WAPL: variants seen among roughly 807,000 people sequenced by gnomAD.
WAPL encodes the protein WAPL cohesin release factor.
WAPL carries 5 observed loss-of-function variants against 121.0 expected under a neutral mutation model. The ratio of observed to expected loss-of-function variants is 0.04; its 90% CI spans 0.02 to 0.09. WAPL has a LOEUF of 0.09. Among genes scored for constraint, WAPL ranks in the 10% least tolerant of loss-of-function variants. The probability of loss-of-function intolerance (pLI) is 1.00; values close to 1 mark genes in which losing one functional copy is unlikely to be tolerated. For synonymous variants in WAPL, 480 were observed against 481.5 expected, an observed-to-expected ratio of 1.00 and a Z score of 0.04; for missense variants, 999 against 1,410.8, an observed-to-expected ratio of 0.71 and a Z score of 4.68.
chr10:86,505,297 ACTCT>A (rs1051998453), intron 2 of WAPL, among the ~76,000 whole-genome samples: 4 of 71,354 alleles, frequency 5.6e-5, no homozygotes, highest in Non-Finnish European at 1.3e-4. Flanking sequence ...ACAGTGCCCA[ACTCT>A]TTTTTTTTTT....
chr10:86,479,631 T>A (rs888318085), intron 4 of WAPL, among the ~76,000 whole-genome samples: 1 of 152,258 alleles, frequency 6.6e-6, no homozygotes, highest in Non-Finnish European at 1.5e-5. Flanking sequence ...TTAAAAACTA[T>A]GTGCTATATG....
At position 86,518,883 on chromosome 10, in the gene WAPL, A is replaced by T. The variant is rs556304289; in HGVS notation, c.-22-792T>A. ...AAGATTCTGCTTCTTGGTGTAATGT[A>T]ATTTGCGCTGTGACTTTAAAAATGT... is the stretch of plus-strand genomic sequence containing the variant. On this transcript the variant is annotated intron_variant, in intron 1 of 18. Transcript: ENST00000298767. Among the ~76,000 whole-genome samples the T allele has an allele frequency of 3.2e-4, 49 of 152,306 alleles. 2 individuals carry two copies. The South Asian group carries it at 9.9e-3, about 31-fold the overall frequency.
At chr10:86,448,012 C>T (rs1849668601) in intron 15 of WAPL, among the ~76,000 whole-genome samples, 1 of 151,884 alleles carries the variant, frequency 6.6e-6, no homozygotes, top group African/African-American at 2.4e-5. Flanking sequence ...GGTGCCGCTG[C>T]ACTCCAGCCT....
intron 4 of WAPL, among the ~76,000 whole-genome samples, chr10:86,495,226 G>A (rs1005553436): frequency 6.6e-6 from 1 of 152,128 alleles, no homozygotes; most frequent in African/African-American, 2.4e-5. Flanking sequence ...TTACATTTTG[G>A]GAGGCCAAGG....
Position 86,500,449 on chromosome 10 carries a change from T to G in WAPL, c.794A>C (p.Asp265Ala). 6.2e-7 allele frequency: 1 copy of G among 1,614,236 alleles called. No individual in the cohort carries two copies. Among genetic ancestry groups the G allele is most frequent in the Non-Finnish European group, 8.5e-7 (1 of 1,180,050 alleles). ...TTCCAATCGATTTTTAAAATCGTCATCCTTCATCTCCAAAAGGGGATCACT... is the reference window on the plus strand; with the variant it reads ...TTCCAATCGATTTTTAAAATCGTCAGCCTTCATCTCCAAAAGGGGATCACT... The part of the protein sequence containing the change: ...LDSDPLLEMK[D>A]DDFKNRLENL... The change falls in exon 3 of 19, where the codon GAT becomes GCT. Residue 265 changes from aspartate (D) to alanine (A), a missense_variant. This residue lies in a region of WAPL where 531 missense variants were observed against 563.1 expected (regional missense o/e 0.94). Coordinates refer to ENST00000298767, the MANE Select transcript of WAPL (RefSeq NM_015045.5).
At chr10:86,466,602 TA>T (rs1375774632) in intron 9 of WAPL, among the ~76,000 whole-genome samples, 1 of 152,076 alleles carries the variant, frequency 6.6e-6, no homozygotes, top group African/African-American at 2.4e-5. Flanking sequence ...TATTATAAAA[TA>T]AAAATTAAAA....
At chr10:86,444,621 A>C (rs926272079) in intron 16 of WAPL, among the ~76,000 whole-genome samples, 3 of 152,156 alleles carry the variant, frequency 2.0e-5, no homozygotes, top group Non-Finnish European at 4.4e-5. Flanking sequence ...AAAACAGGCA[A>C]ATCCATAGAC....
intron 2 of WAPL, among the ~76,000 whole-genome samples, chr10:86,504,049 C>A (rs1232373338): frequency 6.6e-6 from 1 of 152,116 alleles, no homozygotes; most frequent in Non-Finnish European, 1.5e-5. Context: ...TGGCACATGC[C>A]AGTCGTCCTC....
intron 4 of WAPL, among the ~76,000 whole-genome samples, chr10:86,494,902 C>T (rs1223003074): frequency 1.3e-5 from 2 of 152,104 alleles, no homozygotes; most frequent in African/African-American, 2.4e-5. Flanking sequence ...AACACAACTA[C>T]GTATCACTGT....
In WAPL at chr10:86,435,871, AAATAT is replaced by A. The variant is rs1365000423; in HGVS notation, c.*1667_*1671del. 7 of 152,206 alleles carry A rather than the reference AAATAT, an allele frequency of 4.6e-5. No homozygotes were observed. The highest frequency in any genetic ancestry group is 7.3e-5 in the Non-Finnish European group (5 of 68,034). 9.4% of individuals were successfully genotyped at this position (152,206 alleles called of 1,614,324 possible). On this transcript the variant is annotated 3_prime_UTR_variant, in exon 19 of 19. Coordinates refer to ENST00000298767, the MANE Select transcript of WAPL (RefSeq NM_015045.5). ...TCAATGTATTTTGCATTTTAAAATA[AAATAT>A]AACTAATTTAATTTTACGGGTATCA...
At chr10:86,444,724 T>C (rs1849559790) in intron 16 of WAPL, among the ~76,000 whole-genome samples, 1 of 152,040 alleles carries the variant, frequency 6.6e-6, no homozygotes, top group Admixed American at 6.5e-5. Context: ...TTAGTGGTGA[T>C]AAAAACAATA....
chr10:86,498,829 TACTG>T (rs1242609701), intron 3 of WAPL, among the ~76,000 whole-genome samples: 3 of 152,302 alleles, frequency 2.0e-5, no homozygotes, highest in African/African-American at 7.2e-5. Flanking sequence ...CCTTAGTCAC[TACTG>T]AGTCTACAAT....
chr10:86,450,947 T>C (rs1442491434), intron 15 of WAPL, among the ~76,000 whole-genome samples: 1 of 152,196 alleles, frequency 6.6e-6, no homozygotes, highest in Non-Finnish European at 1.5e-5. Context: ...CAATTTCCCA[T>C]GCTCGGCTAC....
At chr10:86,466,957 T>C in intron 9 of WAPL, 1 of 252,140 alleles carries the variant, frequency 4.0e-6, no homozygotes. Flanking sequence ...TGCCTTGGCC[T>C]CTCAAAATGC....
chr10:86,475,203 T>G (rs1312479213), intron 4 of WAPL, among the ~76,000 whole-genome samples: 1 of 152,200 alleles, frequency 6.6e-6, no homozygotes, highest in Non-Finnish European at 1.5e-5. Context: ...AAACCCTCAC[T>G]TTCAAGAGAA....
intron 9 of WAPL, among the ~76,000 whole-genome samples, chr10:86,463,924 A>T (rs1420567381): frequency 1.3e-5 from 2 of 152,234 alleles, no homozygotes; most frequent in Admixed American, 1.3e-4. Flanking sequence ...AACAGGCTGT[A>T]CCACATAGTC....
intron 4 of WAPL, among the ~76,000 whole-genome samples, chr10:86,484,477 A>G (rs1841882246): frequency 6.6e-6 from 1 of 152,220 alleles, no homozygotes. Flanking sequence ...CCTAGGTGAC[A>G]GAGGGAGATT....
Position 86,517,697 on chromosome 10 carries a change from C to T in WAPL, c.373G>A (p.Glu125Lys). Reference protein sequence around the residue: ...ANSKISHVVVEDTVVSDKCFP... With the variant: ...ANSKISHVVVKDTVVSDKCFP... ...CATTTATCAGAAACGACAGTGTCTT[C>T]AACGACCACATGACTAATTTTGCTA... Residue 125 changes from glutamate to lysine, a missense_variant, in exon 2 of 19, where the codon GAA becomes AAA. Physicochemically the swap from Glu to Lys is moderately conservative, Grantham distance 56 (BLOSUM62 1). Transcript: ENST00000298767. 1 of 1,614,150 alleles carries T rather than the reference C, an allele frequency of 6.2e-7. No individual in the cohort carries two copies.
At chr10:86,439,176 C>A (rs988949899) in intron 17 of WAPL, among the ~76,000 whole-genome samples, 7 of 152,184 alleles carry the variant, frequency 4.6e-5, no homozygotes, top group Non-Finnish European at 4.4e-5. Flanking sequence ...TACCCACCCC[C>A]TTTTTCCTAT....
Sources: allele counts gnomAD v4.1 joint callset (sites outside exome capture counted in the v4.1 genomes callset), GRCh38; gene constraint gnomAD v4.1.1; regional missense constraint gnomAD v4.1.1; transcripts MANE v1.5; gene names NCBI Gene and HGNC (gene_info 2026-07-23, HGNC 2026-07-21).